Variants in CKAP5 observed in about 807,000 individuals in gnomAD.
The protein encoded by CKAP5 is cytoskeleton-associated protein 5.
Under a neutral mutation model 232.8 loss-of-function variants are expected in CKAP5, and 27 were observed. The ratio of observed to expected loss-of-function variants is 0.12; its 90% confidence interval spans 0.09 to 0.16. The LOEUF (loss-of-function observed/expected upper bound fraction) is 0.16. CKAP5 is among the 10% of genes least tolerant of loss of function. CKAP5 has a pLI of 1.00. For missense variants in CKAP5, 1,838 were observed against 2,424.7 expected, an observed-to-expected ratio of 0.76 and a Z score of 5.08; for synonymous variants, 785 against 841.1, an observed-to-expected ratio of 0.93 and a Z score of 1.16.
chr11:46,743,942 G>T lies in CKAP5; in HGVS notation c.*81C>A. The T allele has an allele frequency of 1.3e-6, 2 of 1,567,650 alleles. No homozygotes were observed. Among genetic ancestry groups the T allele is most frequent in the Non-Finnish European group, 1.7e-6 (2 of 1,144,812 alleles). On this transcript the variant is annotated 3_prime_UTR_variant, in exon 44 of 44. Coordinates refer to ENST00000529230, the MANE Select transcript of CKAP5 (RefSeq NM_001008938.4). ...CATACAACCAGTTTGTATACACTAG[G>T]CCTGCTGAGGCCATTTTAAACTATG...
intron 35 of CKAP5, 176 bp downstream of exon 35, chr11:46,758,747 G>T: frequency 3.3e-6 from 2 of 601,410 alleles, no homozygotes; most frequent in Non-Finnish European, 5.5e-6. Context: ...CTCTATTAGA[G>T]TCACATCCTC....
chr11:46,760,305 A>G (rs1223379567), intron 33 of CKAP5: 2 of 473,110 alleles, frequency 4.2e-6, no homozygotes, highest in Admixed American at 5.8e-5. Flanking sequence ...CAGAAGTTAG[A>G]AAGATATAAG....
At chr11:46,758,731 A>T in intron 35 of CKAP5, 192 bp downstream of exon 35, 1 of 485,744 alleles carries the variant, frequency 2.1e-6, no homozygotes, top group Non-Finnish European at 3.5e-6. Flanking sequence ...AAAAAAAAAA[A>T]TAAGGCTCTA....
chr11:46,782,379 G>T lies in CKAP5; in HGVS notation c.2249+895C>A, dbSNP rs189449714. Among the ~76,000 whole-genome samples, 419 of 152,262 alleles carry T rather than the reference G, an allele frequency of 2.8e-3. 2 individuals are homozygous for T. Among genetic ancestry groups the T allele is most frequent in the African/African-American group, 9.6e-3 (397 of 41,562 alleles). ...TTTTATAAGTGACATGCCAAGAGAT[G>T]TGTGTTATATCAAAGACTATACAAT... On this transcript the variant is annotated intron_variant, in intron 18 of 43. Coordinates refer to ENST00000529230, the MANE Select transcript of CKAP5 (RefSeq NM_001008938.4).
chr11:46,744,217 G>A lies in CKAP5; in HGVS notation c.5905C>T (p.Pro1969Ser), dbSNP rs1490170283. The change falls in exon 44 of 44, where the codon CCT (proline) becomes TCT (serine). Residue 1969 changes from proline to serine, a missense_variant. Pro to Ser is a moderately conservative substitution (Grantham distance 74). This residue lies in a region of CKAP5 where 579 missense variants were observed against 843.2 expected (regional missense o/e 0.69). Coordinates refer to ENST00000529230, the MANE Select transcript of CKAP5 (RefSeq NM_001008938.4). ...LTSLLSKPAV[P>S]TVASSTDMLH... ...ATGTCTGTGGAAGAGGCGACAGTAG[G>A]AACTGCTGGTTTGGAGAGCAAAGAG... The A allele has an allele frequency of 5.6e-6, 9 of 1,614,032 alleles. No homozygotes were observed. The highest frequency in any genetic ancestry group is 7.6e-6 in the Non-Finnish European group (9 of 1,180,038).
intron 13 of CKAP5, 53 bp downstream of exon 13, chr11:46,795,541 C>A: frequency 6.9e-7 from 1 of 1,457,834 alleles, no homozygotes; most frequent in Admixed American, 2.2e-5. Context: ...CAACCACGAA[C>A]CTGAGACTCA....
At chr11:46,765,348 CAG>C (rs2065193654) in intron 27 of CKAP5, 92 bp from the exon 28 acceptor site, 2 of 1,088,186 alleles carry the variant, frequency 1.8e-6, no homozygotes, top group East Asian at 5.5e-5. Flanking sequence ...CTGTAGAAAA[CAG>C]AGATATCTTT....
Position 46,784,489 on chromosome 11 carries a change from T to C in CKAP5, c.2153A>G (p.Gln718Arg). The C allele has an allele frequency of 1.2e-6, 2 of 1,610,732 alleles. No homozygotes were observed. Among genetic ancestry groups the C allele is most frequent in the Non-Finnish European group, 1.7e-6 (2 of 1,178,222 alleles). ...GAATAAGACTTCTGTGTCACTAACC[T>C]GTTCAGCAGTCCATGGTAACATACA... ...EACMLPWTAE[Q>R]VVSMAFSQKN... Residue 718 changes from glutamine to arginine, a missense_variant and splice_region_variant, in exon 17 of 44, where the codon CAG (glutamine) becomes CGG (arginine). Gln to Arg is a conservative substitution (Grantham distance 43). This residue lies in a region of CKAP5 where 767 missense variants were observed against 954.6 expected (regional missense o/e 0.80). Coordinates refer to ENST00000529230, the MANE Select transcript of CKAP5 (RefSeq NM_001008938.4).
chr11:46,837,294 G>C (rs1216584091), intron 1 of CKAP5, among the ~76,000 whole-genome samples: 2 of 152,140 alleles, frequency 1.3e-5, no homozygotes, highest in African/African-American at 4.8e-5. Flanking sequence ...TAATGGATCA[G>C]AATTGGAGAC....
chr11:46,753,148 C>T (rs1048103961), intron 37 of CKAP5, 162 bp downstream of exon 37: 1 of 527,728 alleles, frequency 1.9e-6, no homozygotes, highest in East Asian at 3.3e-5. Flanking sequence ...AAAGTTTTAA[C>T]TGATATAGTT....
At chr11:46,817,604 T>A (rs112174847) in intron 3 of CKAP5, among the ~76,000 whole-genome samples, 1,617 of 152,284 alleles carry the variant, frequency 0.011, 13 homozygotes, top group Non-Finnish European at 0.015. Flanking sequence ...TTAATGATGA[T>A]CTTTATTGGT....
chr11:46,818,222 T>C (rs1049671273), intron 3 of CKAP5, 88 bp downstream of exon 3: 93 of 1,016,734 alleles, frequency 9.1e-5, no homozygotes, highest in Non-Finnish European at 1.1e-4. Flanking sequence ...CTAAAACTGC[T>C]AATAACTAAG....
chr11:46,817,673 C>T (rs1939434737), intron 3 of CKAP5, among the ~76,000 whole-genome samples: 1 of 148,206 alleles, frequency 6.7e-6, no homozygotes, highest in African/African-American at 2.5e-5. Context: ...AGTGTTTCAA[C>T]TTTTTTTTTT....
intron 27 of CKAP5, 114 bp from the exon 28 acceptor site, chr11:46,765,370 ATTTC>A: frequency 1.1e-6 from 1 of 919,646 alleles, no homozygotes; most frequent in Non-Finnish European, 1.5e-6. Context: ...TCTACGTGAT[ATTTC>A]ACATGAAAAA....
intron 1 of CKAP5, among the ~76,000 whole-genome samples, chr11:46,837,856 A>C (rs1177412478): frequency 1.3e-5 from 2 of 152,240 alleles, no homozygotes; most frequent in Non-Finnish European, 2.9e-5. Context: ...AGGAGAGACA[A>C]GAATTTCAAA....
chr11:46,755,694 C>T (rs2065105409), intron 35 of CKAP5, among the ~76,000 whole-genome samples: 1 of 151,546 alleles, frequency 6.6e-6, no homozygotes, highest in African/African-American at 2.4e-5. Flanking sequence ...TTTGGGAGGC[C>T]AAGGTAGGTG....
intron 1 of CKAP5, among the ~76,000 whole-genome samples, chr11:46,841,854 C>T (rs992878917): frequency 1.3e-5 from 2 of 151,726 alleles, no homozygotes; most frequent in South Asian, 2.1e-4. Context: ...AAAATTTAGG[C>T]GGGTGCTGTG....
At chr11:46,820,534 G>C (rs1197188711) in intron 2 of CKAP5, 1 of 152,070 alleles carries the variant, frequency 6.6e-6, no homozygotes, top group Non-Finnish European at 1.5e-5. Context: ...GTAAACCTGA[G>C]GACTTGGAGT....
intron 8 of CKAP5, among the ~76,000 whole-genome samples, chr11:46,801,570 T>A (rs971039736): frequency 2.0e-5 from 3 of 151,870 alleles, no homozygotes; most frequent in Admixed American, 2.0e-4. Flanking sequence ...TTTGGAAGGC[T>A]GAGGCAGGAG....
Sources: gnomAD v4.1 joint callset for allele counts (sites outside exome capture counted in the v4.1 genomes callset) on GRCh38, gnomAD v4.1.1 for gene constraint, gnomAD v4.1.1 regional missense constraint, MANE v1.5 for transcripts, NCBI Gene and HGNC (gene_info 2026-07-23, HGNC 2026-07-21) for gene names.